DGKB: variants seen among roughly 807,000 people sequenced by gnomAD.
The protein encoded by DGKB is 90 kDa diacylglycerol kinase.
A neutral mutation model predicts 114.3 loss-of-function variants in DGKB; 67 were observed. The observed-to-expected ratio is 0.59, with a 90% CI of 0.48 to 0.72. The LOEUF (loss-of-function observed/expected upper bound fraction) is 0.72, where lower values mean the gene tolerates loss of function less well. DGKB is among the 30% of genes least tolerant of loss of function. DGKB has a pLI of 0.00. For missense variants in DGKB, 907 were observed against 975.2 expected (o/e 0.93, Z 0.93); for synonymous variants, 398 against 323.1 (o/e 1.23, Z -2.49).
chr7:14,857,306 A>G (rs1452232596), intron 1 of DGKB, among the ~76,000 whole-genome samples: 3 of 100,628 alleles, frequency 3.0e-5, no homozygotes, highest in Non-Finnish European at 5.5e-5. Context: ...GCAAGCTTCT[A>G]TGAATTCCAC....
intron 20 of DGKB, among the ~76,000 whole-genome samples, chr7:14,495,877 C>T (rs1785233401): frequency 6.6e-6 from 1 of 151,698 alleles, no homozygotes. Flanking sequence ...ACATTCATTG[C>T]AATCAGTAAA....
At chr7:14,920,275 T>A (rs1784449485) in intron 1 of DGKB, among the ~76,000 whole-genome samples, 1 of 152,116 alleles carries the variant, frequency 6.6e-6, no homozygotes, top group Non-Finnish European at 1.5e-5. Flanking sequence ...GCACTTTTAG[T>A]AAAAATATAC....
intron 25 of DGKB, among the ~76,000 whole-genome samples, chr7:14,170,141 AAAAAAAAGAAAGAAAGAAAGAAAGAAAG>A (rs1335063929): frequency 2.9e-5 from 3 of 102,792 alleles, no homozygotes; most frequent in Non-Finnish European, 4.3e-5. Context: ...TCTCAAAAAA[AAAAAAAAGAAAGAAAGAAAGAAAGAAAG>A]AAAGAAAGAA....
chr7:14,149,269 A>G (rs769161246), intron 25 of DGKB, 31 bp from the exon 26 acceptor site: 4 of 1,518,724 alleles, frequency 2.6e-6, no homozygotes, highest in Non-Finnish European at 3.6e-6. Context: ...AGAGAGAGAA[A>G]GAATAGAGTA....
In DGKB at chr7:14,429,319, CTCTTTT is replaced by C. The variant is rs1175162424; in HGVS notation, c.1835+48836_1835+48841del. Among the ~76,000 whole-genome samples, 3 of 152,142 alleles carry C rather than the reference CTCTTTT, an allele frequency of 2.0e-5. No homozygotes were observed. The East Asian group carries it at 5.8e-4, about 30-fold the overall frequency. ...AGAGGAGATAACTTGCTCTCTCTTT[CTCTTTT>C]TTTCTACCTTGTGAGGATACAAGGA... On this transcript the variant is annotated intron_variant, in intron 21 of 25. Coordinates refer to ENST00000402815, the MANE Select transcript of DGKB (RefSeq NM_001350709.2).
chr7:14,559,557 C>T (rs1360079603), intron 20 of DGKB, among the ~76,000 whole-genome samples: 2 of 152,104 alleles, frequency 1.3e-5, no homozygotes, highest in African/African-American at 4.8e-5. Flanking sequence ...GCATATGCCC[C>T]TTAGAGGTAA....
intron 23 of DGKB, among the ~76,000 whole-genome samples, chr7:14,213,269 C>A (rs902332256): frequency 6.6e-6 from 1 of 151,898 alleles, no homozygotes; most frequent in African/African-American, 2.4e-5. Flanking sequence ...TTTAAAGTTG[C>A]GCTTTCTCAT....
intron 20 of DGKB, among the ~76,000 whole-genome samples, chr7:14,565,247 T>C (rs1797223303): frequency 6.6e-6 from 1 of 152,146 alleles, no homozygotes; most frequent in Non-Finnish European, 1.5e-5. Flanking sequence ...GGGAGTCATA[T>C]GGCCCATTAT....
intron 9 of DGKB, among the ~76,000 whole-genome samples, chr7:14,688,925 G>A (rs1331968992): frequency 6.6e-6 from 1 of 151,340 alleles, no homozygotes; most frequent in Non-Finnish European, 1.5e-5. Flanking sequence ...ATACTTCCAA[G>A]ATCACATAAA....
At chr7:14,213,646 T>TCC (rs1788496026) in intron 23 of DGKB, among the ~76,000 whole-genome samples, 1 of 152,162 alleles carries the variant, frequency 6.6e-6, no homozygotes, top group Admixed American at 6.6e-5. Context: ...GCCCCCTTAG[T>TCC]GTCATCCTGT....
intron 2 of DGKB, among the ~76,000 whole-genome samples, chr7:14,776,915 G>A (rs1290094048): frequency 6.6e-6 from 1 of 152,186 alleles, no homozygotes; most frequent in African/African-American, 2.4e-5. Flanking sequence ...GACACTCAAT[G>A]CTAGCTATGA....
At chr7:14,765,084 C>T (rs1047446208) in intron 2 of DGKB, among the ~76,000 whole-genome samples, 6 of 151,902 alleles carry the variant, frequency 3.9e-5, no homozygotes, top group African/African-American at 1.4e-4. Flanking sequence ...TAATAACAGC[C>T]ATATTGTAGC....
intron 23 of DGKB, among the ~76,000 whole-genome samples, chr7:14,298,476 A>G (rs1278601189): frequency 6.6e-6 from 1 of 152,200 alleles, no homozygotes; most frequent in East Asian, 1.9e-4. Flanking sequence ...TATTTAATAT[A>G]TGATGTTGGG....
At chr7:14,191,706 A>T (rs928801323) in intron 23 of DGKB, 1 of 340,590 alleles carries the variant, frequency 2.9e-6, no homozygotes, top group Non-Finnish European at 6.0e-6. Flanking sequence ...AATGTCAAGG[A>T]TGTGCACGTC....
chr7:14,531,565 G>C (rs927224964), intron 20 of DGKB, among the ~76,000 whole-genome samples: 4 of 151,326 alleles, frequency 2.6e-5, no homozygotes, highest in African/African-American at 9.7e-5. Context: ...ACTAAATGAA[G>C]TAAGAGACAG....
At chr7:14,429,614 T>A (rs1233869715) in intron 21 of DGKB, among the ~76,000 whole-genome samples, 1 of 152,122 alleles carries the variant, frequency 6.6e-6, no homozygotes, top group African/African-American at 2.4e-5. Flanking sequence ...CACTTTATAG[T>A]GGATGCACAT....
In DGKB at chr7:14,724,177, C is replaced by T. The variant is rs149936497; in HGVS notation, c.323-5492G>A. The stretch of plus-strand genomic sequence containing the variant: ...AAAATATTGGTTCAATTTACAGAAA[C>T]GTATCAGATTTATTTATCACATAGT... On this transcript the variant is annotated intron_variant, in intron 5 of 25. Coordinates refer to ENST00000402815, the MANE Select transcript of DGKB (RefSeq NM_001350709.2). Among the ~76,000 whole-genome samples, 1,449 of 152,176 alleles carry T rather than the reference C, an allele frequency of 9.5e-3. 6 individuals are homozygous for T. Among genetic ancestry groups the T allele is most frequent in the Non-Finnish European group, 0.015 (1,006 of 67,978 alleles).
intron 8 of DGKB, among the ~76,000 whole-genome samples, chr7:14,695,259 A>G (rs1326836108): frequency 6.6e-6 from 1 of 152,090 alleles, no homozygotes; most frequent in Non-Finnish European, 1.5e-5. Context: ...CAATCATAAG[A>G]GAAATAAAAC....
At chr7:14,172,652 T>C (rs1268260727) in intron 25 of DGKB, among the ~76,000 whole-genome samples, 2 of 151,988 alleles carry the variant, frequency 1.3e-5, no homozygotes, top group South Asian at 2.1e-4. Context: ...AGGAGAGATA[T>C]GGGGAGGCAA....
Sources: gnomAD v4.1 joint callset for allele counts (sites outside exome capture counted in the v4.1 genomes callset) on GRCh38, gnomAD v4.1.1 for gene constraint, MANE v1.5 for transcripts, NCBI Gene and HGNC (gene_info 2026-07-23, HGNC 2026-07-21) for gene names.